Variants in CAMTA2 observed in about 807,000 individuals in gnomAD.
CAMTA2 encodes calmodulin binding transcription activator 2, also known as calmodulin-binding transcription activator 2.
CAMTA2 carries 56 observed loss-of-function variants against 135.7 expected under a neutral mutation model. The observed-to-expected ratio is 0.41, with a 90% CI of 0.33 to 0.52. CAMTA2 has a LOEUF of 0.52. Among genes scored for constraint, CAMTA2 ranks in the 20% least tolerant of loss-of-function variants. The pLI is 0.16. For missense variants in CAMTA2, 1,358 were observed against 1,553.4 expected (o/e 0.87, Z 2.11); for synonymous variants, 591 against 604.6 (o/e 0.98, Z 0.33).
intron 15 of CAMTA2, 31 bp downstream of exon 15, chr17:4,972,738 C>A: frequency 1.3e-6 from 2 of 1,595,238 alleles, no homozygotes; most frequent in Non-Finnish European, 1.7e-6. Flanking sequence ...TACCTACATC[C>A]CTCTCTCCAA....
chr17:4,987,517 C>T, intron 1 of CAMTA2, 76 bp downstream of exon 1: 1 of 1,432,918 alleles, frequency 7.0e-7, no homozygotes, highest in South Asian at 1.4e-5. Flanking sequence ...TGGCGCGGCG[C>T]TCCGCGTCGG....
chr17:4,975,894 T>A (rs1972582760), intron 11 of CAMTA2, among the ~76,000 whole-genome samples: 1 of 152,230 alleles, frequency 6.6e-6, no homozygotes, highest in Non-Finnish European at 1.5e-5. Context: ...CTCCCAGATT[T>A]AAATAAATAA....
rs775901204 is a variant in CAMTA2, at chr17:4,969,372, T to TA, written c.3283-36dup. 1 of 1,611,546 alleles carries TA rather than the reference T, an allele frequency of 6.2e-7. No individual in the cohort carries two copies. Among genetic ancestry groups the TA allele is most frequent in the Non-Finnish European group, 8.5e-7 (1 of 1,177,858 alleles). ...TGGGGAGGAGGGACAGGGGCTGAAA[T>TA]AGAGGGACGGAGACCCAAAGCCCTG... On this transcript the variant is annotated intron_variant, in intron 20 of 22. Coordinates refer to ENST00000348066, the MANE Select transcript of CAMTA2 (RefSeq NM_015099.4). The surrounding 1 kb of genome is among the most constrained non-coding windows in gnomAD (Gnocchi z 5.6).
rs568614041 is a variant in CAMTA2 at position 4,969,254 on chromosome 17, C to T, written c.3366G>A (p.Gln1122=). 4.5e-5 allele frequency: 73 copies of T among 1,613,974 alleles called. No homozygotes were observed. In the South Asian group the frequency reaches 7.2e-4, roughly 16 times the overall value. The change falls in exon 21 of 23, where the codon CAG becomes CAA. Residue 1122 remains glutamine (Q), a synonymous_variant. Transcript: ENST00000348066. The surrounding 1 kb of genome is among the most constrained non-coding windows in gnomAD (Gnocchi z 5.6). ...TGAGCACAGCCGCTCGGCGGCTCTG[C>T]TGAAATCGCTTCTGTTCATAGTAGC... is the stretch of plus-strand genomic sequence containing the variant. The part of the protein sequence containing the change: ...FRSYYEQKRF[Q]QSRRAAVLIQ...
At position 4,969,867 on chromosome 17, in the gene CAMTA2, AT is replaced by A; in HGVS notation, c.3189+34del. Reference sequence around the variant, plus strand: ...GGAGCCCAGTCTCCCCTGACTGGAGATTGTGTAATTCATCCTGAGACCCCTG... The same window carrying A: ...GGAGCCCAGTCTCCCCTGACTGGAGATGTGTAATTCATCCTGAGACCCCTG... On this transcript the variant is annotated intron_variant, in intron 18 of 22. Transcript: ENST00000348066. The surrounding 1 kb of genome is among the most constrained non-coding windows in gnomAD (Gnocchi z 5.6). 6.2e-7 allele frequency: 1 copy of A among 1,609,716 alleles called. No individual in the cohort carries two copies. The highest frequency in any genetic ancestry group is 8.5e-7 in the Non-Finnish European group (1 of 1,176,616).
At chr17:4,986,518 G>T (rs1377894092) in intron 1 of CAMTA2, 4 of 541,960 alleles carry the variant, frequency 7.4e-6, no homozygotes, top group Non-Finnish European at 9.7e-6. Context: ...AATGGGTTGG[G>T]GTGGGGGAGC....
intron 9 of CAMTA2, 48 bp downstream of exon 9, chr17:4,979,636 C>T: frequency 7.3e-7 from 1 of 1,373,262 alleles, no homozygotes; most frequent in Non-Finnish European, 1.0e-6. Context: ...TTTGGGGAGT[C>T]AGAAGACAAA....
rs771213387 is a variant in CAMTA2, at chr17:4,980,167, C to T, written c.1155G>A (p.Gln385=). Residue 385 remains glutamine (Q), a synonymous_variant, in exon 9 of 23, where the codon CAG becomes CAA. Coordinates refer to ENST00000348066, the MANE Select transcript of CAMTA2 (RefSeq NM_015099.4). The surrounding 1 kb of genome is among the most constrained non-coding windows in gnomAD (Gnocchi z 5.3). ...GCCCCCCTCCATATGTCTGGCCCCT[C>T]TGGGGGCTGTTGAGAAAACGATCAG... The part of the protein sequence containing the change: ...FDPDRFLNSP[Q]RGQTYGGGQG... 6.3e-7 allele frequency: 1 copy of T among 1,579,760 alleles called. No homozygotes were observed. The highest frequency in any genetic ancestry group is 2.2e-5 in the East Asian group (1 of 44,592).
intron 9 of CAMTA2, among the ~76,000 whole-genome samples, chr17:4,979,058 G>A (rs538780035): frequency 2.0e-5 from 3 of 152,296 alleles, no homozygotes; most frequent in Admixed American, 1.3e-4. Flanking sequence ...TCTCCAGGCT[G>A]CACAGCCCCA....
At chr17:4,974,537 T>C in intron 11 of CAMTA2, 37 bp from the exon 12 acceptor site, 1 of 1,291,338 alleles carries the variant, frequency 7.7e-7, no homozygotes, top group Non-Finnish European at 1.1e-6. Context: ...GAGTGGGCAG[T>C]CTAGGTGATG....
intron 10 of CAMTA2, among the ~76,000 whole-genome samples, chr17:4,977,650 T>G (rs1972694742): frequency 6.6e-6 from 1 of 152,204 alleles, no homozygotes; most frequent in Admixed American, 6.5e-5. Context: ...TGAGACTTTT[T>G]CTCCCAGTCC....
In CAMTA2 at chr17:4,980,193, G is replaced by A; in HGVS notation, c.1129C>T (p.Pro377Ser). 1.3e-6 allele frequency: 2 copies of A among 1,576,106 alleles called. No homozygotes were observed. Among genetic ancestry groups the A allele is most frequent in the Non-Finnish European group, 1.7e-6 (2 of 1,160,738 alleles). ...PPAPPSPAFD[P>S]DRFLNSPQRG... ...TGGGGGCTGTTGAGAAAACGATCAG[G>A]GTCAAAGGCAGGACTGGGAGGAGCT... is the stretch of plus-strand genomic sequence containing the variant. Residue 377 changes from proline (P) to serine (S), a missense_variant, in exon 9 of 23, where the codon CCT (proline) becomes TCT (serine). Transcript: ENST00000348066. This position sits in a 1 kb window ranked among gnomAD's most constrained non-coding sequence, Gnocchi z 5.3.
At chr17:4,975,147 A>G (rs1393767048) in intron 11 of CAMTA2, among the ~76,000 whole-genome samples, 1 of 152,120 alleles carries the variant, frequency 6.6e-6, no homozygotes, top group Non-Finnish European at 1.5e-5. Context: ...CCCTCCTGAG[A>G]TCAAACAAGG....
At position 4,972,437 on chromosome 17, in the gene CAMTA2, G is replaced by T; in HGVS notation, c.2603C>A (p.Pro868His). Reference protein sequence around the residue: ...SAPDGSPPPAPLPASEMTMED... With the variant: ...SAPDGSPPPAHLPASEMTMED... ...CATAGTCATCTCAGAGGCTGGCAGA[G>T]GTGCAGGGGGGGGACTGCCATCTGG... Residue 868 changes from proline to histidine, a missense_variant, in exon 16 of 23, where the codon CCT (proline) becomes CAT (histidine). Coordinates refer to ENST00000348066, the MANE Select transcript of CAMTA2 (RefSeq NM_015099.4). The T allele has an allele frequency of 6.2e-7, 1 of 1,613,936 alleles. No homozygotes were observed. The highest frequency in any genetic ancestry group is 1.1e-5 in the South Asian group (1 of 91,072).
chr17:4,973,433 C>T, intron 13 of CAMTA2, 152 bp downstream of exon 13: 1 of 897,452 alleles, frequency 1.1e-6, no homozygotes, highest in South Asian at 1.5e-5. Context: ...TATGAAAGTT[C>T]CCCAAAATAT....
At position 4,969,973 on chromosome 17, in the gene CAMTA2, G is replaced by T. The variant is rs1450966451; in HGVS notation, c.3118C>A (p.Leu1040Ile). 1.2e-6 allele frequency: 2 copies of T among 1,614,192 alleles called. No individual in the cohort carries two copies. The highest frequency in any genetic ancestry group is 1.7e-6 in the Non-Finnish European group (2 of 1,180,026). Residue 1040 changes from leucine to isoleucine, a missense_variant, in exon 18 of 23, where the codon CTA becomes ATA. Leu to Ile is a conservative substitution (Grantham distance 5). Transcript: ENST00000348066. The surrounding 1 kb of genome is among the most constrained non-coding windows in gnomAD (Gnocchi z 5.6). ...AGTTCCCGCTGCTCGTGATCTGATA[G>T]TGTCAGCAGGGCAAAATCACTTTCC... ...KMESDFALLTLSDHEQRELYE... is the reference protein window; with the variant it reads ...KMESDFALLTISDHEQRELYE...
rs1972148898 is a variant in CAMTA2 at position 4,969,787 on chromosome 17, C to T, written c.3190-86G>A. On this transcript the variant is annotated intron_variant, in intron 18 of 22. Coordinates refer to ENST00000348066, the MANE Select transcript of CAMTA2 (RefSeq NM_015099.4). The surrounding 1 kb of genome is among the most constrained non-coding windows in gnomAD (Gnocchi z 5.6). ...TTCAACTTTCCTGGGGTTCCCCTGACCCTTTACCCCATCCAAGGCCTGTCT... is the reference window on the plus strand; with the variant it reads ...TTCAACTTTCCTGGGGTTCCCCTGATCCTTTACCCCATCCAAGGCCTGTCT... The T allele has an allele frequency of 1.3e-6, 2 of 1,592,980 alleles. No homozygotes were observed. The highest frequency in any genetic ancestry group is 1.3e-5 in the African/African-American group (1 of 74,660).
At chr17:4,983,628 G>C (rs1016600838) in intron 3 of CAMTA2, 5 of 150,330 alleles carry the variant, frequency 3.3e-5, no homozygotes, top group African/African-American at 1.2e-4. Flanking sequence ...CTGTCACCCA[G>C]GCTGGAGTGC....
At position 4,981,660 on chromosome 17, in the gene CAMTA2, C is replaced by A. The variant is rs1309067813; in HGVS notation, c.565+18G>T. 1 of 1,578,968 alleles carries A rather than the reference C, an allele frequency of 6.3e-7. No individual in the cohort carries two copies. The highest frequency in any genetic ancestry group is 1.8e-5 in the Admixed American group (1 of 54,624). ...TCTACTCTCCCCTTGGAGCTCTATCCCCACCCTGCTGCCTTACACATGGGC... is the reference window on the plus strand; with the variant it reads ...TCTACTCTCCCCTTGGAGCTCTATCACCACCCTGCTGCCTTACACATGGGC... On this transcript the variant is annotated intron_variant, in intron 7 of 22. Transcript: ENST00000348066.
Sources: allele counts gnomAD v4.1 joint callset (sites outside exome capture counted in the v4.1 genomes callset), GRCh38; gene constraint gnomAD v4.1.1; non-coding constraint Gnocchi (gnomAD v3.1); transcripts MANE v1.5; gene names NCBI Gene and HGNC (gene_info 2026-07-23, HGNC 2026-07-21).